The following RALY variants were observed in gnomAD, a reference collection of about 807,000 sequenced individuals.
The protein encoded by RALY is RNA-binding protein Raly.
RALY carries 15 observed loss-of-function variants against 30.7 expected under a neutral mutation model. The observed-to-expected ratio is 0.49, with a 90% CI of 0.33 to 0.75. The LOEUF (loss-of-function observed/expected upper bound fraction) is 0.75, where lower values mean the gene tolerates loss of function less well. RALY is among the 30% of genes least tolerant of loss of function. The pLI, the probability that RALY is intolerant of heterozygous loss-of-function variation, is 0.02. For missense variants in RALY, 339 were observed against 414.3 expected (o/e 0.82, Z 1.58); for synonymous variants, 177 against 170.8 (o/e 1.04, Z -0.28).
chr20:34,076,397 A>T (rs886517363), intron 6 of RALY, among the ~76,000 whole-genome samples: 12 of 152,142 alleles, frequency 7.9e-5, no homozygotes, highest in African/African-American at 2.9e-4. Flanking sequence ...CAAAAGACAC[A>T]TGTTCTTGCT....
At chr20:34,034,750 A>G (rs913589593) in intron 2 of RALY, among the ~76,000 whole-genome samples, 3 of 152,178 alleles carry the variant, frequency 2.0e-5, no homozygotes, top group Admixed American at 2.0e-4. Context: ...AAAACCCCAT[A>G]AGATTAAAAG....
At chr20:34,047,322 C>G (rs1568678342) in intron 2 of RALY, among the ~76,000 whole-genome samples, 1 of 152,140 alleles carries the variant, frequency 6.6e-6, no homozygotes, top group African/African-American at 2.4e-5. Flanking sequence ...GCCATTAGAT[C>G]AAGAATTGGA....
intron 1 of RALY, among the ~76,000 whole-genome samples, chr20:33,997,610 C>CT: frequency 6.6e-6 from 1 of 152,132 alleles, no homozygotes; most frequent in East Asian, 1.9e-4. Context: ...TTTCTTCCCC[C>CT]TTTTTCCATA....
chr20:34,012,078 AAAG>A (rs1478043239), intron 1 of RALY, among the ~76,000 whole-genome samples: 1 of 151,654 alleles, frequency 6.6e-6, no homozygotes, highest in Non-Finnish European at 1.5e-5. Flanking sequence ...AAAAAAAAAA[AAAG>A]AAAAAGAAAA....
chr20:34,003,036 A>T (rs568490574), intron 1 of RALY, among the ~76,000 whole-genome samples: 2 of 152,274 alleles, frequency 1.3e-5, no homozygotes, highest in South Asian at 4.1e-4. Context: ...AACACTTTGC[A>T]GCAAGGAGCC....
intron 2 of RALY, among the ~76,000 whole-genome samples, chr20:34,064,356 CTG>C (rs938762668): frequency 5.9e-5 from 9 of 152,130 alleles, no homozygotes; most frequent in South Asian, 4.1e-4. Context: ...GGGGAGATAA[CTG>C]AGGCCTGCCT....
intron 1 of RALY, among the ~76,000 whole-genome samples, chr20:34,010,855 T>C (rs962851893): frequency 1.3e-5 from 2 of 152,190 alleles, no homozygotes; most frequent in Admixed American, 6.5e-5. Context: ...TGGAATAAAC[T>C]CTGGATCCTC....
chr20:34,049,810 G>GA (rs1333809582), intron 2 of RALY, among the ~76,000 whole-genome samples: 5 of 152,208 alleles, frequency 3.3e-5, no homozygotes, highest in African/African-American at 1.2e-4. Context: ...CAAAAGTTAG[G>GA]ATTATAAATC....
chr20:34,022,121 T>C (rs1275917342), intron 1 of RALY, among the ~76,000 whole-genome samples: 1 of 149,704 alleles, frequency 6.7e-6, no homozygotes, highest in East Asian at 2.0e-4. Flanking sequence ...ATAAAGACAA[T>C]GTCTCACTTG....
chr20:34,076,592 C>A (rs2033884293), intron 6 of RALY, 110 bp from the exon 7 acceptor site: 1 of 1,014,010 alleles, frequency 9.9e-7, no homozygotes, highest in Non-Finnish European at 1.4e-6. Flanking sequence ...AAAAACAAAA[C>A]AAAACAAAAA....
intron 1 of RALY, among the ~76,000 whole-genome samples, chr20:34,004,529 A>G (rs1318477608): frequency 6.6e-6 from 1 of 152,242 alleles, no homozygotes; most frequent in Non-Finnish European, 1.5e-5. Context: ...TAGACCGAGT[A>G]GTATCCATAT....
chr20:34,054,446 T>A (rs1020592829), intron 2 of RALY, among the ~76,000 whole-genome samples: 5 of 152,174 alleles, frequency 3.3e-5, no homozygotes, highest in African/African-American at 1.2e-4. Context: ...ATACAAAAGC[T>A]TTCCCGAAGA....
At chr20:34,019,031 A>G (rs78311108) in intron 1 of RALY, among the ~76,000 whole-genome samples, 1 of 152,184 alleles carries the variant, frequency 6.6e-6, no homozygotes, top group Non-Finnish European at 1.5e-5. Context: ...GTCTAAAAAT[A>G]GGATCCCTCG....
chr20:34,035,573 T>C (rs546137099), intron 2 of RALY, among the ~76,000 whole-genome samples: 51 of 152,290 alleles, frequency 3.3e-4, no homozygotes, highest in African/African-American at 1.2e-3. Context: ...CCTAAAACCC[T>C]GGTCCTCCTC....
intron 2 of RALY, among the ~76,000 whole-genome samples, chr20:34,042,289 A>G (rs954198895): frequency 1.3e-5 from 2 of 152,124 alleles, no homozygotes; most frequent in African/African-American, 4.8e-5. Context: ...AGTTCGTAAA[A>G]CGACACTGAC....
chr20:34,010,139 A>G (rs1490722751), intron 1 of RALY, among the ~76,000 whole-genome samples: 2 of 152,230 alleles, frequency 1.3e-5, no homozygotes, highest in East Asian at 3.9e-4. Flanking sequence ...TCCCTATTAT[A>G]TATTTGTAAG....
chr20:34,050,874 C>A (rs1295361602), intron 2 of RALY, among the ~76,000 whole-genome samples: 1 of 152,184 alleles, frequency 6.6e-6, no homozygotes, highest in East Asian at 1.9e-4. Flanking sequence ...GGCTCTCACC[C>A]ACTCTGATGT....
chr20:34,083,052 C>G lies in RALY; in HGVS notation c.*3147C>G, dbSNP rs1339464904. 1 of 152,238 alleles carries G rather than the reference C, an allele frequency of 6.6e-6. No homozygotes were observed. The highest frequency in any genetic ancestry group is 6.5e-5 in the Admixed American group (1 of 15,276). 9.4% of individuals were successfully genotyped at this position (152,238 alleles called of 1,614,324 possible). Reference sequence around the variant, plus strand: ...GCAAGTCTTTTTCCTTACCAGGTCTCAGTTTCCTCAGCTGTAAAATGAGAG... The same window carrying G: ...GCAAGTCTTTTTCCTTACCAGGTCTGAGTTTCCTCAGCTGTAAAATGAGAG... On this transcript the variant is annotated 3_prime_UTR_variant, in exon 10 of 10. Coordinates refer to ENST00000246194, the MANE Select transcript of RALY (RefSeq NM_016732.3).
chr20:34,072,448 A>G, intron 3 of RALY, 118 bp downstream of exon 3: 1 of 1,310,904 alleles, frequency 7.6e-7, no homozygotes, highest in Admixed American at 2.8e-5. Context: ...GATTTTATAA[A>G]TTTATAAGCT....
Sources: allele counts gnomAD v4.1 joint callset (sites outside exome capture counted in the v4.1 genomes callset), GRCh38; gene constraint gnomAD v4.1.1; transcripts MANE v1.5; gene names NCBI Gene and HGNC (gene_info 2026-07-23, HGNC 2026-07-21).